SANBR: variants seen among roughly 807,000 people sequenced by gnomAD.
The protein encoded by SANBR is SANT and BTB domain regulator of CSR.
Under a neutral mutation model 101.8 loss-of-function variants are expected in SANBR, and 77 were observed. That is an observed-to-expected ratio of 0.76 (90% CI 0.63 to 0.91). The LOEUF (loss-of-function observed/expected upper bound fraction) is 0.91, where lower values mean the gene tolerates loss of function less well. Ranked by LOEUF, SANBR falls within the 40% of genes least tolerant of loss-of-function variation. The pLI is 0.00. For missense variants in SANBR, 875 were observed against 853.0 expected (o/e 1.03, Z -0.32); for synonymous variants, 279 against 274.7 (o/e 1.02, Z -0.15).
chr2:61,130,958 A>AAAAAG (rs1684671317), intron 20 of SANBR, among the ~76,000 whole-genome samples: 8 of 146,452 alleles, frequency 5.5e-5, no homozygotes, highest in South Asian at 2.1e-4. Context: ...AAAAAAAAAA[A>AAAAAG]GTCTCACAAT....
chr2:61,089,127 A>G (rs1267525629), intron 10 of SANBR: 1 of 983,546 alleles, frequency 1.0e-6, no homozygotes, highest in South Asian at 4.7e-5. Flanking sequence ...AGAGAACCAA[A>G]TTTACTTTCA....
At chr2:61,133,974 A>G (rs1278114516) in intron 20 of SANBR, among the ~76,000 whole-genome samples, 1 of 152,260 alleles carries the variant, frequency 6.6e-6, no homozygotes, top group Admixed American at 6.5e-5. Context: ...TGTTTCAAAA[A>G]GGCCAGTATT....
In SANBR at chr2:61,122,445, T is replaced by A. The variant is rs752859433; in HGVS notation, c.*283T>A. ...ATAGTTGAGACTCCCAGTGTTTTCC[T>A]TTATTTATTTGAAAAAGAAAGGCCT... is the stretch of plus-strand genomic sequence containing the variant. On this transcript the variant is annotated 3_prime_UTR_variant, in exon 22 of 22. Transcript: ENST00000402291. The A allele has an allele frequency of 1.7e-5, 19 of 1,121,096 alleles. No individual in the cohort carries two copies. The highest frequency in any genetic ancestry group is 2.1e-5 in the Non-Finnish European group (19 of 918,372). 69.4% of individuals were successfully genotyped at this position (1,121,096 alleles called of 1,614,324 possible). A position where few individuals can be genotyped will look rare whatever the true frequency, so the allele number is the denominator to read the frequency against.
At chr2:61,106,499 A>T (rs1431614278) in intron 13 of SANBR, 64 bp from the exon 14 acceptor site, 1 of 1,075,956 alleles carries the variant, frequency 9.3e-7, no homozygotes, top group South Asian at 1.4e-5. Context: ...TAATAAAAAG[A>T]TATTCACATT....
Position 61,124,268 on chromosome 2 carries a change from G to A in SANBR, c.*2106G>A. The A allele has an allele frequency of 6.2e-6, 6 of 968,676 alleles. No individual in the cohort carries two copies. Among genetic ancestry groups the A allele is most frequent in the Non-Finnish European group, 7.4e-6 (6 of 814,674 alleles). The allele number at this position is 968,676 out of a possible 1,614,324, so 60.0% of individuals were successfully genotyped here. A position where few individuals can be genotyped will look rare whatever the true frequency, so the allele number is the denominator to read the frequency against. On this transcript the variant is annotated 3_prime_UTR_variant, in exon 22 of 22. Transcript: ENST00000402291. The stretch of plus-strand genomic sequence containing the variant: ...TCACATTTCTTTAATTGAAATAAAT[G>A]TTAATGACAAAAGTTGTTTGGAAAG...
chr2:61,106,449 C>T, intron 13 of SANBR, 114 bp from the exon 14 acceptor site: 1 of 594,916 alleles, frequency 1.7e-6, no homozygotes, highest in South Asian at 1.9e-5. Context: ...TCCTTATACT[C>T]AGGAACTGTA....
At chr2:61,095,103 T>C (rs896600424) in intron 11 of SANBR, among the ~76,000 whole-genome samples, 2 of 152,212 alleles carry the variant, frequency 1.3e-5, no homozygotes, top group African/African-American at 2.4e-5. Flanking sequence ...GCAATTGATA[T>C]AGTCAGGTTT....
At position 61,071,694 on chromosome 2, in the gene SANBR, C is replaced by T. The variant is rs878871137; in HGVS notation, c.239C>T (p.Pro80Leu). The T allele has an allele frequency of 6.2e-7, 1 of 1,606,260 alleles. No individual in the cohort carries two copies. The change falls in exon 4 of 22, where the codon CCT becomes CTT. Residue 80 changes from proline to leucine, a missense_variant. Physicochemically the swap from Pro to Leu is moderately conservative, Grantham distance 98. Coordinates refer to ENST00000402291, the MANE Select transcript of SANBR (RefSeq NM_001129993.3). ...TCCCTAATGGCTGCTGGAGAGAGTC[C>T]TGTTGAAACTTTAGCCACATATATC... ...YNSLMAAGESPVETLATYIKS... is the reference protein window; with the variant it reads ...YNSLMAAGESLVETLATYIKS...
intron 11 of SANBR, among the ~76,000 whole-genome samples, chr2:61,092,836 T>TA (rs1682837458): frequency 6.7e-6 from 1 of 149,508 alleles, no homozygotes; most frequent in African/African-American, 2.5e-5. Context: ...CTCCATCTCT[T>TA]AAAAAAATGA....
chr2:61,088,486 T>C lies in SANBR; in HGVS notation c.1088+18T>C, dbSNP rs1312743799. Reference sequence around the variant, plus strand: ...CACATAAGGTGTCGTGAAGATAAAATACATACATGTATTTTTGTATATATA... The same window carrying C: ...CACATAAGGTGTCGTGAAGATAAAACACATACATGTATTTTTGTATATATA... On this transcript the variant is annotated intron_variant, in intron 10 of 21. Transcript: ENST00000402291. The C allele has an allele frequency of 6.1e-6, 9 of 1,469,168 alleles. No individual in the cohort carries two copies. Among genetic ancestry groups the C allele is most frequent in the Non-Finnish European group, 8.4e-6 (9 of 1,070,880 alleles). 91.0% of individuals were successfully genotyped at this position (1,469,168 alleles called of 1,614,324 possible). A position where few individuals can be genotyped will look rare whatever the true frequency, so the allele number is the denominator to read the frequency against.
Position 61,097,713 on chromosome 2 carries a change from T to C in SANBR, c.1226T>C (p.Ile409Thr), listed in dbSNP as rs568920344. The C allele has an allele frequency of 1.2e-6, 2 of 1,604,430 alleles. No individual in the cohort carries two copies. Among genetic ancestry groups the C allele is most frequent in the East Asian group, 2.2e-5 (1 of 44,730 alleles). ...TGTCTTTATCAGGCCTTTCTCTGTA[T>C]TGAATTTTCACATTGTCAATACCAC... is the stretch of plus-strand genomic sequence containing the variant. ...CSRCYQAFLCIEFSHCQYHSE... is the reference protein window; with the variant it reads ...CSRCYQAFLCTEFSHCQYHSE... The change falls in exon 12 of 22, where the codon ATT (isoleucine) becomes ACT (threonine). Residue 409 changes from isoleucine to threonine, a missense_variant. Ile to Thr is a moderately conservative substitution (Grantham distance 89). Coordinates refer to ENST00000402291, the MANE Select transcript of SANBR (RefSeq NM_001129993.3).
chr2:61,128,628 G>A (rs2104986404), downstream of SANBR, among the ~76,000 whole-genome samples: 1 of 152,096 alleles, frequency 6.6e-6, no homozygotes, highest in Middle Eastern at 3.4e-3. Flanking sequence ...AAGTAGCTGG[G>A]ATTACAGGCA....
Position 61,122,419 on chromosome 2 carries a change from C to T in SANBR, c.*257C>T. 1.7e-6 allele frequency: 2 copies of T among 1,188,150 alleles called. No homozygotes were observed. Among genetic ancestry groups the T allele is most frequent in the African/African-American group, 1.6e-5 (1 of 63,476 alleles). The allele number at this position is 1,188,150 out of a possible 1,614,324, so 73.6% of individuals were successfully genotyped here. ...TAGAAAGCAATTATTTACAAATTTGCATAGTTGAGACTCCCAGTGTTTTCC... is the reference window on the plus strand; with the variant it reads ...TAGAAAGCAATTATTTACAAATTTGTATAGTTGAGACTCCCAGTGTTTTCC... On this transcript the variant is annotated 3_prime_UTR_variant, in exon 22 of 22. Transcript: ENST00000402291.
At chr2:61,135,114 C>T (rs767089910) in intron 21 of SANBR, among the ~76,000 whole-genome samples, 24 of 152,186 alleles carry the variant, frequency 1.6e-4, no homozygotes, top group Non-Finnish European at 3.1e-4. Context: ...CTCCTGAACT[C>T]GGGAAGGCGG....
intron 5 of SANBR, among the ~76,000 whole-genome samples, chr2:61,076,030 G>C (rs1348416792): frequency 6.6e-6 from 1 of 151,426 alleles, no homozygotes; most frequent in Non-Finnish European, 1.5e-5. Flanking sequence ...GTCTTGCTCT[G>C]TCGCCCAGTC....
At chr2:61,089,228 A>C (rs1682612510) in intron 10 of SANBR, 2 of 983,346 alleles carry the variant, frequency 2.0e-6, no homozygotes, top group African/African-American at 3.5e-5. Flanking sequence ...ATTAATATGT[A>C]GGCCGGGCAC....
At chr2:61,116,994 C>A in intron 17 of SANBR, 1 of 231,630 alleles carries the variant, frequency 4.3e-6, no homozygotes, top group Non-Finnish European at 8.5e-6. Context: ...GAAGTCGAGG[C>A]TGCAGTGAGC....
intron 16 of SANBR, among the ~76,000 whole-genome samples, chr2:61,114,404 C>T (rs1683975011): frequency 1.3e-5 from 2 of 152,158 alleles, no homozygotes. Context: ...GTCTTAGAAC[C>T]ACATGAGTAA....
chr2:61,096,634 G>A (rs1683045099), intron 11 of SANBR, among the ~76,000 whole-genome samples: 1 of 151,822 alleles, frequency 6.6e-6, no homozygotes, highest in African/African-American at 2.4e-5. Context: ...GGCTGGCCTC[G>A]AATTCCTAGG....
Sources: allele counts gnomAD v4.1 joint callset (sites outside exome capture counted in the v4.1 genomes callset), GRCh38; gene constraint gnomAD v4.1.1; transcripts MANE v1.5; gene names NCBI Gene and HGNC (gene_info 2026-07-23, HGNC 2026-07-21).